Variants in STMN1 observed in about 807,000 individuals in gnomAD.
STMN1 encodes the protein stathmin.
In STMN1, 3 loss-of-function variants were observed where a neutral mutation model predicts 19.7. The ratio of observed to expected loss-of-function variants is 0.15; its 90% CI spans 0.07 to 0.39. The LOEUF is 0.39. Among genes scored for constraint, STMN1 ranks in the 10% least tolerant of loss-of-function variants. The pLI is 1.00. For missense variants in STMN1, 99 were observed against 176.0 expected (o/e 0.56, Z 2.48); for synonymous variants, 59 against 58.9 (o/e 1.00, Z -0.01).
Position 25,903,714 on chromosome 1 carries a change from G to T in STMN1, c.113C>A (p.Ser38Tyr). ...SKESVPEFPL[S>Y]PPKKKDLSLE... Reference sequence around the variant, plus strand: ...GGAAAGATCCTTCTTCTTTGGAGGGGAAAGGGGGAATTCTGGAACAGATTC... The same window carrying T: ...GGAAAGATCCTTCTTCTTTGGAGGGTAAAGGGGGAATTCTGGAACAGATTC... The change falls in exon 3 of 5, where the codon TCC becomes TAC. Residue 38 changes from serine to tyrosine, a missense_variant. Physicochemically the swap from Ser to Tyr is moderately radical, Grantham distance 144 (BLOSUM62 -2). Coordinates refer to ENST00000455785, the MANE Select transcript of STMN1 (RefSeq NM_005563.4). 1 of 1,613,948 alleles carries T rather than the reference G, an allele frequency of 6.2e-7. No homozygotes were observed.
downstream of STMN1, among the ~76,000 whole-genome samples, chr1:25,898,331 T>A (rs771134307): frequency 7.2e-5 from 11 of 152,164 alleles, no homozygotes; most frequent in Non-Finnish European, 1.5e-4. Context: ...TCCTTTCTCC[T>A]CTCAAAGCTT....
At chr1:25,904,932 G>A in intron 1 of STMN1, 194 bp from the exon 2 acceptor site, 1 of 396,266 alleles carries the variant, frequency 2.5e-6, no homozygotes, top group Non-Finnish European at 4.5e-6. Context: ...ATATGATATT[G>A]GTTCCAGAAA....
intron 1 of STMN1, chr1:25,904,967 T>C (rs2048920797): frequency 1.7e-5 from 6 of 357,828 alleles, no homozygotes; most frequent in Middle Eastern, 1.5e-3. Flanking sequence ...GCTTTCTCGG[T>C]CATAAAACTC....
chr1:25,903,603 AAATT>A, intron 3 of STMN1, 34 bp downstream of exon 3: 2 of 1,606,126 alleles, frequency 1.2e-6, no homozygotes, highest in Non-Finnish European at 1.7e-6. Flanking sequence ...CCCATTACAT[AAATT>A]AATATCCTGC....
At chr1:25,884,651 A>C (rs2124217089), downstream of STMN1, 1 of 148,522 alleles carries the variant, frequency 6.7e-6, no homozygotes, top group East Asian at 2.0e-4. Flanking sequence ...AGCCGAGATC[A>C]CGCCACTGCC....
chr1:25,905,951 GGGGACGGTCGCA>G (rs2048939618), intron 1 of STMN1: 2 of 152,340 alleles, frequency 1.3e-5, no homozygotes, highest in South Asian at 4.1e-4. Context: ...GCGGTCGCCA[GGGGACGGTCGCA>G]GGGAGGGTCG....
chr1:25,886,146 T>C (rs1472513329), intron 4 of STMN1, among the ~76,000 whole-genome samples: 1 of 151,812 alleles, frequency 6.6e-6, no homozygotes, highest in Admixed American at 6.6e-5. Flanking sequence ...GAAGAGGTGG[T>C]GATGACCTAG....
intron 4 of STMN1, chr1:25,889,104 C>T: frequency 2.1e-6 from 1 of 473,760 alleles, no homozygotes. Flanking sequence ...CAAGCTGGGT[C>T]TATAAGGAAT....
rs753039443 is a variant in STMN1, at chr1:25,904,681, A to G, written c.-5T>C. 21 of 1,614,000 alleles carry G rather than the reference A, an allele frequency of 1.3e-5. No individual in the cohort carries two copies. The South Asian group carries it at 2.3e-4, about 18-fold the overall frequency. ...TTACCTACCAGAAGAAGCCATGGTG[A>G]ATAGAAGACAAGCGACAGGCAGTGT... On this transcript the variant is annotated 5_prime_UTR_variant, in exon 2 of 5. Coordinates refer to ENST00000455785, the MANE Select transcript of STMN1 (RefSeq NM_005563.4).
At chr1:25,889,837 C>A (rs12074469) in intron 4 of STMN1, among the ~76,000 whole-genome samples, 2 of 152,184 alleles carry the variant, frequency 1.3e-5, no homozygotes, top group Non-Finnish European at 2.9e-5. Flanking sequence ...CCCTTGCCCA[C>A]CTCATCCAGC....
At chr1:25,903,908 A>G in intron 2 of STMN1, 95 bp from the exon 3 acceptor site, 5 of 1,301,638 alleles carry the variant, frequency 3.8e-6, no homozygotes, top group Non-Finnish European at 4.1e-6. Flanking sequence ...AATTTAATGT[A>G]TTAAACTAGG....
rs1459594231 is a variant in STMN1, at chr1:25,900,696, T to C, written c.*320A>G. Reference sequence around the variant, plus strand: ...TTCAAAAGAAGCCACTACATACTCTTTTCACAAATATGTTTTCACAGAGCC... The same window carrying C: ...TTCAAAAGAAGCCACTACATACTCTCTTCACAAATATGTTTTCACAGAGCC... On this transcript the variant is annotated 3_prime_UTR_variant, in exon 5 of 5. Coordinates refer to ENST00000455785, the MANE Select transcript of STMN1 (RefSeq NM_005563.4). The C allele has an allele frequency of 4.6e-6, 5 of 1,078,970 alleles. No homozygotes were observed. The highest frequency in any genetic ancestry group is 6.6e-5 in the East Asian group (1 of 15,180). 66.8% of individuals were successfully genotyped at this position (1,078,970 alleles called of 1,614,324 possible). A position where few individuals can be genotyped will look rare whatever the true frequency, so the allele number is the denominator to read the frequency against.
At chr1:25,901,429 C>A in intron 4 of STMN1, 62 bp downstream of exon 4, 1 of 1,532,624 alleles carries the variant, frequency 6.5e-7, no homozygotes, top group South Asian at 1.3e-5. Flanking sequence ...GCACTTAGTT[C>A]AAGCCAACTC....
At chr1:25,885,486 G>T in exon 5 of STMN1, 1 of 406,140 alleles carries the variant, frequency 2.5e-6, no homozygotes, top group Non-Finnish European at 4.3e-6. Context: ...CCTCTACGTT[G>T]GCAGTGTCTG....
At chr1:25,895,099 C>CT (rs34587140) in intron 4 of STMN1, among the ~76,000 whole-genome samples, 2,441 of 113,332 alleles carry the variant, frequency 0.022, 39 homozygotes, top group Non-Finnish European at 0.027. Context: ...TATTATACGT[C>CT]TTTTTTTTTT....
chr1:25,897,672 G>A (rs931384412), downstream of STMN1, among the ~76,000 whole-genome samples: 3 of 152,016 alleles, frequency 2.0e-5, 1 homozygote, highest in South Asian at 4.2e-4. Flanking sequence ...GAATTGTTCC[G>A]GGCAACGAGG....
At position 25,900,424 on chromosome 1, in the gene STMN1, G is replaced by C; in HGVS notation, c.*592C>G. On this transcript the variant is annotated 3_prime_UTR_variant, in exon 5 of 5. Transcript: ENST00000455785. The stretch of plus-strand genomic sequence containing the variant: ...AGGAGACAATGCAAACCACACTGGG[G>C]CAAGAAACGGGGCAGAGAACGTGCG... 1.0e-6 allele frequency: 1 copy of C among 985,846 alleles called. No individual in the cohort carries two copies. The highest frequency in any genetic ancestry group is 5.2e-4 in the Middle Eastern group (1 of 1,914). The allele number at this position is 985,846 out of a possible 1,614,324, so 61.1% of individuals were successfully genotyped here.
At chr1:25,903,537 A>C (rs914429152) in intron 3 of STMN1, 104 bp downstream of exon 3, 34 of 1,460,388 alleles carry the variant, frequency 2.3e-5, no homozygotes, top group Middle Eastern at 2.5e-4. Context: ...ATATGTAATA[A>C]TCACAGTGTA....
At chr1:25,884,961 T>A (rs1184250420), downstream of STMN1, 1 of 153,674 alleles carries the variant, frequency 6.5e-6, no homozygotes, top group African/African-American at 2.4e-5. Flanking sequence ...TAAAATGTGA[T>A]CCTAAAATCC....
Sources: allele counts gnomAD v4.1 joint callset (sites outside exome capture counted in the v4.1 genomes callset), GRCh38; gene constraint gnomAD v4.1.1; transcripts MANE v1.5; gene names NCBI Gene and HGNC (gene_info 2026-07-23, HGNC 2026-07-21).